The following CDH12 variants were observed in gnomAD, a reference collection of about 807,000 sequenced individuals.
CDH12 encodes cadherin 12, also known as cadherin-12.
A neutral mutation model predicts 74.1 loss-of-function variants in CDH12; 41 were observed. The ratio of observed to expected loss-of-function variants is 0.55; its 90% CI spans 0.43 to 0.72. The LOEUF is 0.72. CDH12 is among the 30% of genes least tolerant of loss of function. CDH12 has a pLI of 0.00. For missense variants in CDH12, 945 were observed against 977.2 expected (o/e 0.97, Z 0.44); for synonymous variants, 399 against 355.0 (o/e 1.12, Z -1.39).
chr5:22,098,295 T>C (rs1743919388), intron 4 of CDH12, among the ~76,000 whole-genome samples: 1 of 151,922 alleles, frequency 6.6e-6, no homozygotes, highest in South Asian at 2.1e-4. Context: ...AAAACACATG[T>C]GCTCTCCATG....
At chr5:22,338,217 T>G (rs757223467) in intron 3 of CDH12, among the ~76,000 whole-genome samples, 3 of 152,212 alleles carry the variant, frequency 2.0e-5, no homozygotes, top group East Asian at 3.8e-4. Flanking sequence ...TACTTATACA[T>G]GATGGAGTAC....
At chr5:21,975,506 T>C (rs1757032593) in intron 5 of CDH12, 121 bp from the exon 6 acceptor site, 4 of 634,434 alleles carry the variant, frequency 6.3e-6, no homozygotes, top group Non-Finnish European at 7.7e-6. Flanking sequence ...TAATCAAAAA[T>C]GTTAAATAAA....
chr5:22,263,911 T>C (rs10079100), intron 3 of CDH12, among the ~76,000 whole-genome samples: 4,066 of 152,120 alleles, frequency 0.027, 72 homozygotes, highest in South Asian at 0.094. Context: ...AACATATCAA[T>C]ATAATGTGTT....
At chr5:22,203,258 G>A (rs531103543) in intron 4 of CDH12, among the ~76,000 whole-genome samples, 18 of 151,824 alleles carry the variant, frequency 1.2e-4, no homozygotes, top group Non-Finnish European at 2.4e-4. Flanking sequence ...CCCTCCCCCC[G>A]CCACAGCCTC....
intron 6 of CDH12, among the ~76,000 whole-genome samples, chr5:21,889,368 A>G (rs1265770566): frequency 1.3e-5 from 2 of 152,154 alleles, no homozygotes; most frequent in African/African-American, 4.8e-5. Context: ...GATTATTACA[A>G]TTCAGATCAG....
intron 1 of CDH12, among the ~76,000 whole-genome samples, chr5:22,568,709 C>T (rs1739403624): frequency 6.6e-6 from 1 of 152,186 alleles, no homozygotes; most frequent in South Asian, 2.1e-4. Context: ...GGGTTTGGTT[C>T]CAGACCATAA....
At position 22,643,749 on chromosome 5, in the gene CDH12, TTTTTTTTTTTTC is replaced by T. The variant is rs1379181972; in HGVS notation, c.-522-138397_-522-138386del. Among the ~76,000 whole-genome samples, 95 of 137,384 alleles carry T rather than the reference TTTTTTTTTTTTC, an allele frequency of 6.9e-4. 1 individual carries two copies. The highest frequency in any genetic ancestry group is 1.2e-3 in the Non-Finnish European group (80 of 64,760). The allele number at this position is 137,384 out of a possible 152,430, so 90.1% of individuals were successfully genotyped here. A position where few individuals can be genotyped will look rare whatever the true frequency, so the allele number is the denominator to read the frequency against. On this transcript the variant is annotated intron_variant, in intron 1 of 14. Transcript: ENST00000382254. ...TTAAGGTATCTTTTTTTTTTTTTTT[TTTTTTTTTTTTC>T]CACAAATTGATGGTTTGTGGCAGCC...
intron 1 of CDH12, among the ~76,000 whole-genome samples, chr5:22,830,849 G>A (rs1418678802): frequency 6.6e-6 from 1 of 151,302 alleles, no homozygotes; most frequent in Non-Finnish European, 1.5e-5. Context: ...ATAATTTTCT[G>A]AATCATTATT....
intron 12 of CDH12, 44 bp downstream of exon 12, chr5:21,764,934 A>G (rs1363095793): frequency 6.3e-7 from 1 of 1,599,484 alleles, no homozygotes; most frequent in Admixed American, 1.7e-5. Context: ...AAACATGCAT[A>G]TGGTGGGTCT....
At chr5:22,808,762 GTTTTTT>G in intron 1 of CDH12, among the ~76,000 whole-genome samples, 1 of 41,730 alleles carries the variant, frequency 2.4e-5, no homozygotes, top group South Asian at 1.6e-3. Context: ...ACCACACCTG[GTTTTTT>G]TTTTTTTTTT....
chr5:22,633,807 A>T (rs1280410585), intron 1 of CDH12, among the ~76,000 whole-genome samples: 1 of 152,146 alleles, frequency 6.6e-6, no homozygotes, highest in Non-Finnish European at 1.5e-5. Flanking sequence ...GGACTTCTCA[A>T]CTTCTACAAT....
intron 3 of CDH12, among the ~76,000 whole-genome samples, chr5:22,366,381 G>A (rs1741031644): frequency 6.6e-6 from 1 of 151,802 alleles, no homozygotes; most frequent in Admixed American, 6.6e-5. Flanking sequence ...TATGTATAGA[G>A]ATAGATAAAT....
chr5:22,664,796 C>G (rs1399436446), intron 1 of CDH12, among the ~76,000 whole-genome samples: 1 of 152,136 alleles, frequency 6.6e-6, no homozygotes, highest in Non-Finnish European at 1.5e-5. Context: ...GATTTCAAAA[C>G]CAGGCAGCTC....
chr5:21,859,123 C>A (rs559366199), intron 6 of CDH12, among the ~76,000 whole-genome samples: 2 of 151,990 alleles, frequency 1.3e-5, no homozygotes, highest in Admixed American at 1.3e-4. Flanking sequence ...GCAACATCTC[C>A]CTAGTCACTC....
At position 22,407,729 on chromosome 5, in the gene CDH12, C is replaced by A. The variant is rs116320018; in HGVS notation, c.-427-2378G>T. 7.0e-3 allele frequency among the ~76,000 whole-genome samples: 1,061 copies of A among 152,144 alleles called. 8 individuals carry two copies. Among genetic ancestry groups the A allele is most frequent in the African/African-American group, 0.024 (1,015 of 41,520 alleles). Reference sequence around the variant, plus strand: ...GCAGTGCAAAAACCACTAGTTTGCTCAAGGACTTTGGGAATATATTTTCAT... The same window carrying A: ...GCAGTGCAAAAACCACTAGTTTGCTAAAGGACTTTGGGAATATATTTTCAT... On this transcript the variant is annotated intron_variant, in intron 2 of 14. Transcript: ENST00000382254.
At chr5:22,819,066 A>C (rs1280084326) in intron 1 of CDH12, among the ~76,000 whole-genome samples, 1 of 152,202 alleles carries the variant, frequency 6.6e-6, no homozygotes, top group Non-Finnish European at 1.5e-5. Flanking sequence ...TGATTAAAAA[A>C]TCTGAAAAAT....
At chr5:21,912,360 C>T (rs1182207433) in intron 6 of CDH12, among the ~76,000 whole-genome samples, 1 of 151,716 alleles carries the variant, frequency 6.6e-6, no homozygotes, top group Non-Finnish European at 1.5e-5. Context: ...TTACCCATCG[C>T]CTTTACATTC....
chr5:22,152,682 T>C lies in CDH12; in HGVS notation c.-187+59816A>G, dbSNP rs559279003. 4.6e-5 allele frequency among the ~76,000 whole-genome samples: 7 copies of C among 152,302 alleles called. No individual in the cohort carries two copies. In the East Asian group the frequency reaches 1.3e-3, roughly 29 times the overall value. On this transcript the variant is annotated intron_variant, in intron 4 of 14. Coordinates refer to ENST00000382254, the MANE Select transcript of CDH12 (RefSeq NM_004061.5). ...TCCAAGAATACAATATATTACTAAC[T>C]ATAGTCACCATGTTGTAAAACGGAT...
intron 5 of CDH12, among the ~76,000 whole-genome samples, chr5:22,076,516 T>C (rs1742324075): frequency 6.6e-6 from 1 of 152,156 alleles, no homozygotes; most frequent in Non-Finnish European, 1.5e-5. Flanking sequence ...GCTTCTGTCA[T>C]AAACAGAGTT....
Sources: gnomAD v4.1 joint callset for allele counts (sites outside exome capture counted in the v4.1 genomes callset) on GRCh38, gnomAD v4.1.1 for gene constraint, MANE v1.5 for transcripts, NCBI Gene and HGNC (gene_info 2026-07-23, HGNC 2026-07-21) for gene names.